Variants in NTN4 observed in about 807,000 individuals in gnomAD.
The protein encoded by NTN4 is netrin 4, also known as netrin-4.
Under a neutral mutation model 73.6 loss-of-function variants are expected in NTN4, and 32 were observed. The observed-to-expected ratio is 0.44, with a 90% CI of 0.33 to 0.58. The LOEUF is 0.58. Among genes scored for constraint, NTN4 ranks in the 20% least tolerant of loss-of-function variants. NTN4 has a pLI of 0.04. For missense variants in NTN4, 654 were observed against 798.3 expected (o/e 0.82, Z 2.18); for synonymous variants, 258 against 287.5 (o/e 0.90, Z 1.04).
At chr12:95,751,397 G>C (rs2078906135) in intron 2 of NTN4, among the ~76,000 whole-genome samples, 1 of 152,098 alleles carries the variant, frequency 6.6e-6, no homozygotes, top group South Asian at 2.1e-4. Flanking sequence ...CCAAACGCCT[G>C]AACCGCAGCG....
chr12:95,730,528 A>G (rs1018195325), intron 3 of NTN4, among the ~76,000 whole-genome samples: 6 of 152,230 alleles, frequency 3.9e-5, no homozygotes, highest in Non-Finnish European at 8.8e-5. Context: ...CATCAGAAAC[A>G]GTAATCCTGG....
At chr12:95,664,319 A>C (rs117025055) in intron 9 of NTN4, among the ~76,000 whole-genome samples, 1 of 152,180 alleles carries the variant, frequency 6.6e-6, no homozygotes, top group Non-Finnish European at 1.5e-5. Context: ...TGGCCTCCTA[A>C]AGTACTGAGA....
intron 2 of NTN4, among the ~76,000 whole-genome samples, chr12:95,784,190 T>C (rs965210167): frequency 6.6e-6 from 1 of 152,296 alleles, no homozygotes; most frequent in East Asian, 1.9e-4. Context: ...TGGAAATTGG[T>C]GACATGGAGT....
intron 5 of NTN4, among the ~76,000 whole-genome samples, chr12:95,706,083 T>C (rs2078520098): frequency 6.6e-6 from 1 of 152,234 alleles, no homozygotes; most frequent in South Asian, 2.1e-4. Flanking sequence ...CCAAAACCTA[T>C]AGAACTTGTT....
chr12:95,762,753 G>A (rs2078996897), intron 2 of NTN4, among the ~76,000 whole-genome samples: 1 of 152,184 alleles, frequency 6.6e-6, no homozygotes, highest in South Asian at 2.1e-4. Flanking sequence ...GATTTATATA[G>A]GAGAGCTGAA....
rs558304912 is a variant in NTN4, at chr12:95,746,966, A to G, written c.586-8822T>C. 2.6e-5 allele frequency among the ~76,000 whole-genome samples: 4 copies of G among 152,184 alleles called. No homozygotes were observed. The South Asian group carries it at 8.3e-4, about 32-fold the overall frequency. On this transcript the variant is annotated intron_variant, in intron 2 of 9. Transcript: ENST00000343702. ...TGGGAGGGTAAATCTGGTCCTTATT[A>G]CCCATCCTGGATGAGAAGTGACATG...
chr12:95,727,738 C>T (rs2078705360), intron 3 of NTN4, among the ~76,000 whole-genome samples: 1 of 152,116 alleles, frequency 6.6e-6, no homozygotes, highest in Admixed American at 6.6e-5. Context: ...AGTGTGAGTT[C>T]TCCAACTTTG....
At chr12:95,665,727 A>C in intron 9 of NTN4, 83 bp downstream of exon 9, 1 of 1,061,456 alleles carries the variant, frequency 9.4e-7, no homozygotes, top group Non-Finnish European at 1.4e-6. Context: ...GAGTTTGTTT[A>C]TGTTGTGCTT....
intron 5 of NTN4, 96 bp downstream of exon 5, chr12:95,710,345 C>A: frequency 2.0e-6 from 2 of 991,810 alleles, no homozygotes; most frequent in Admixed American, 2.5e-5. Context: ...CTCAGAACCT[C>A]AATGACCTCC....
chr12:95,747,179 T>C (rs1356096892), intron 2 of NTN4, among the ~76,000 whole-genome samples: 2 of 132,174 alleles, frequency 1.5e-5, no homozygotes, highest in East Asian at 4.2e-4. Flanking sequence ...CCTGAAAAAT[T>C]TGAAAAAGAA....
At chr12:95,776,709 A>G (rs1458920525) in intron 2 of NTN4, among the ~76,000 whole-genome samples, 2 of 152,214 alleles carry the variant, frequency 1.3e-5, no homozygotes, top group East Asian at 3.8e-4. Flanking sequence ...AGTGATGGGG[A>G]GAATGGAACC....
chr12:95,708,104 G>A (rs988821349), intron 5 of NTN4, among the ~76,000 whole-genome samples: 1 of 152,020 alleles, frequency 6.6e-6, no homozygotes, highest in Non-Finnish European at 1.5e-5. Context: ...AGACCCTAAG[G>A]AGCTGCAGAT....
chr12:95,684,750 G>A, intron 5 of NTN4, among the ~76,000 whole-genome samples: 1 of 152,172 alleles, frequency 6.6e-6, no homozygotes, highest in East Asian at 1.9e-4. Context: ...GTATATCTAT[G>A]TGTTTGTATA....
intron 2 of NTN4, among the ~76,000 whole-genome samples, chr12:95,761,802 T>C (rs1182387233): frequency 1.3e-5 from 2 of 152,188 alleles, no homozygotes; most frequent in Admixed American, 1.3e-4. Context: ...TATCTACATT[T>C]CTATTAACAC....
At chr12:95,741,439 A>T (rs1256893389) in intron 2 of NTN4, among the ~76,000 whole-genome samples, 1 of 83,160 alleles carries the variant, frequency 1.2e-5, no homozygotes, top group East Asian at 2.9e-4. Flanking sequence ...ATATATATAT[A>T]TATATATATA....
intron 5 of NTN4, among the ~76,000 whole-genome samples, chr12:95,700,814 C>CTTTTT (rs71911993): frequency 7.4e-5 from 8 of 107,548 alleles, no homozygotes; most frequent in African/African-American, 2.1e-4. Context: ...TTCTTTCTTT[C>CTTTTT]TTTTTTTTTT....
intron 5 of NTN4, among the ~76,000 whole-genome samples, chr12:95,695,220 T>G (rs893727897): frequency 6.6e-6 from 1 of 152,042 alleles, no homozygotes; most frequent in Non-Finnish European, 1.5e-5. Context: ...TCTCCTGAGT[T>G]TTTGTACATC....
chr12:95,702,308 G>GAA (rs558357623), intron 5 of NTN4, among the ~76,000 whole-genome samples: 7 of 118,494 alleles, frequency 5.9e-5, no homozygotes, highest in Admixed American at 1.7e-4. Flanking sequence ...CAAAAAAAAA[G>GAA]AAAAAAAAAA....
At chr12:95,752,169 G>A (rs888761242) in intron 2 of NTN4, among the ~76,000 whole-genome samples, 5 of 151,580 alleles carry the variant, frequency 3.3e-5, no homozygotes, top group East Asian at 1.9e-4. Flanking sequence ...CCTGCAGCAC[G>A]CTTTAAAAAG....
Sources: gnomAD v4.1 joint callset for allele counts (sites outside exome capture counted in the v4.1 genomes callset) on GRCh38, gnomAD v4.1.1 for gene constraint, MANE v1.5 for transcripts, NCBI Gene and HGNC (gene_info 2026-07-23, HGNC 2026-07-21) for gene names.